The following APPL1 variants were observed in gnomAD, a reference collection of about 807,000 sequenced individuals.
APPL1 encodes adaptor protein, phosphotyrosine interacting with PH domain and leucine zipper 1.
APPL1 carries 42 observed loss-of-function variants against 106.8 expected under a neutral mutation model. The ratio of observed to expected loss-of-function variants is 0.39; its 90% CI spans 0.31 to 0.51. The LOEUF is 0.51. APPL1 is among the 20% of genes least tolerant of loss of function. The pLI, the probability that APPL1 is intolerant of heterozygous loss-of-function variation, is 0.75. For missense variants in APPL1, 769 were observed against 858.2 expected, an observed-to-expected ratio of 0.90 and a Z score of 1.30; for synonymous variants, 263 against 281.8, an observed-to-expected ratio of 0.93 and a Z score of 0.67.
At chr3:57,231,073 C>T (rs2060684294) in intron 1 of APPL1, among the ~76,000 whole-genome samples, 1 of 151,478 alleles carries the variant, frequency 6.6e-6, no homozygotes, top group Non-Finnish European at 1.5e-5. Flanking sequence ...GGCGTGGTGG[C>T]TCATGCCTGT....
chr3:57,240,423 C>T lies in APPL1; in HGVS notation c.286-42C>T, dbSNP rs1288720546. ...AATTTACATAACACTGGTTAAATGT[C>T]TGTGTATAGTTATTTGGCCTTTTTG... On this transcript the variant is annotated intron_variant, in intron 4 of 21. Coordinates refer to ENST00000288266, the MANE Select transcript of APPL1 (RefSeq NM_012096.3). 4 of 1,433,606 alleles carry T rather than the reference C, an allele frequency of 2.8e-6. No individual in the cohort carries two copies. The Admixed American group carries it at 6.7e-5, about 24-fold the overall frequency. 88.8% of individuals were successfully genotyped at this position (1,433,606 alleles called of 1,614,324 possible).
At position 57,235,631 on chromosome 3, in the gene APPL1, G is replaced by A. The variant is rs758848028; in HGVS notation, c.120G>A (p.Leu40=). The change falls in exon 2 of 22, where the codon TTG becomes TTA. Residue 40 remains leucine (L), a synonymous_variant. Coordinates refer to ENST00000288266, the MANE Select transcript of APPL1 (RefSeq NM_012096.3). ...CTATTTCCAACTATATGAACCAGTT[G>A]TATCAAGCTATGCATCGGATTTATG... The part of the protein sequence containing the change: ...ATAISNYMNQ[L]YQAMHRIYDA... The A allele has an allele frequency of 1.9e-6, 3 of 1,613,458 alleles. No homozygotes were observed. The highest frequency in any genetic ancestry group is 2.5e-6 in the Non-Finnish European group (3 of 1,179,606).
intron 2 of APPL1, among the ~76,000 whole-genome samples, chr3:57,236,291 G>T (rs574418712): frequency 4.7e-5 from 7 of 149,890 alleles, no homozygotes; most frequent in African/African-American, 1.7e-4. Context: ...TGATCCGCCC[G>T]CCTTGGCCTC....
intron 13 of APPL1, among the ~76,000 whole-genome samples, chr3:57,254,878 G>C (rs2060826695): frequency 6.6e-6 from 1 of 152,172 alleles, no homozygotes. Flanking sequence ...ACCTGCCTCG[G>C]CCTCCCAAAG....
chr3:57,261,362 A>G (rs1402679841), intron 19 of APPL1, among the ~76,000 whole-genome samples: 2 of 152,154 alleles, frequency 1.3e-5, no homozygotes. Flanking sequence ...TTATCTGTTA[A>G]TGAACATTTA....
At chr3:57,232,861 G>T (rs1241409461) in intron 1 of APPL1, among the ~76,000 whole-genome samples, 1 of 152,050 alleles carries the variant, frequency 6.6e-6, no homozygotes, top group Non-Finnish European at 1.5e-5. Flanking sequence ...AATTAGCTGG[G>T]TGTGGTGGCT....
chr3:57,238,868 G>C (rs536834412), intron 4 of APPL1, among the ~76,000 whole-genome samples: 1 of 152,270 alleles, frequency 6.6e-6, no homozygotes, highest in Admixed American at 6.5e-5. Context: ...CCACTGTATG[G>C]TTTTTAGGAC....
chr3:57,270,910 A>G lies in APPL1; in HGVS notation c.*1223A>G, dbSNP rs1354073972. Reference sequence around the variant, plus strand: ...GATTTAACCTGGTGCCAAGGTTAAAATAACATTTCTCTACTGCCTATTGTT... The same window carrying G: ...GATTTAACCTGGTGCCAAGGTTAAAGTAACATTTCTCTACTGCCTATTGTT... On this transcript the variant is annotated 3_prime_UTR_variant, in exon 22 of 22. Coordinates refer to ENST00000288266, the MANE Select transcript of APPL1 (RefSeq NM_012096.3). 2.0e-5 allele frequency: 3 copies of G among 152,208 alleles called. No individual in the cohort carries two copies. Among genetic ancestry groups the G allele is most frequent in the African/African-American group, 7.2e-5 (3 of 41,468 alleles). The allele number at this position is 152,208 out of a possible 1,614,324, so 9.4% of individuals were successfully genotyped here. A position where few individuals can be genotyped will look rare whatever the true frequency, so the allele number is the denominator to read the frequency against.
At chr3:57,231,752 G>A (rs77967689) in intron 1 of APPL1, among the ~76,000 whole-genome samples, 1,752 of 150,770 alleles carry the variant, frequency 0.012, 32 homozygotes, top group African/African-American at 0.041. Context: ...TGGCTGCAGT[G>A]AGCTATGATC....
At chr3:57,235,252 CT>C (rs1474470352) in intron 1 of APPL1, among the ~76,000 whole-genome samples, 1 of 152,124 alleles carries the variant, frequency 6.6e-6, no homozygotes, top group Non-Finnish European at 1.5e-5. Context: ...ACATGGAATG[CT>C]GTTAATTTAG....
rs187331137 is a variant in APPL1, at chr3:57,255,881, T to C, written c.1153-1076T>C. Among the ~76,000 whole-genome samples the C allele has an allele frequency of 3.3e-5, 5 of 152,316 alleles. No individual in the cohort carries two copies. In the East Asian group the frequency reaches 9.6e-4, roughly 29 times the overall value. The stretch of plus-strand genomic sequence containing the variant: ...GAATAGTTTGTAATACTTACAGTCT[T>C]TTACTACCAATTATCAGAACTCTAA... On this transcript the variant is annotated intron_variant, in intron 13 of 21. Coordinates refer to ENST00000288266, the MANE Select transcript of APPL1 (RefSeq NM_012096.3).
At chr3:57,231,724 A>AT (rs1430318808) in intron 1 of APPL1, among the ~76,000 whole-genome samples, 2 of 150,628 alleles carry the variant, frequency 1.3e-5, no homozygotes, top group Non-Finnish European at 1.5e-5. Context: ...AGGAGGATCG[A>AT]TTGAGTCCAG....
At chr3:57,239,003 A>G (rs890605078) in intron 4 of APPL1, among the ~76,000 whole-genome samples, 4 of 152,350 alleles carry the variant, frequency 2.6e-5, no homozygotes, top group African/African-American at 9.6e-5. Context: ...ATGGACTCAC[A>G]GTTCCATGTG....
chr3:57,230,766 T>C (rs1393694778), intron 1 of APPL1: 2 of 457,742 alleles, frequency 4.4e-6, no homozygotes, highest in South Asian at 1.6e-5. Flanking sequence ...TTAAAGCTCA[T>C]GGTAAGTTTT....
At chr3:57,267,693 G>C in intron 19 of APPL1, 49 bp from the exon 20 acceptor site, 1 of 1,520,294 alleles carries the variant, frequency 6.6e-7, no homozygotes, top group Non-Finnish European at 9.1e-7. Flanking sequence ...TGACATTTTT[G>C]CTTTGTTGTG....
Position 57,260,121 on chromosome 3 carries a change from A to C in APPL1, c.1663A>C (p.Ile555Leu). 6.2e-7 allele frequency: 1 copy of C among 1,606,742 alleles called. No homozygotes were observed. ...ATTTTTAAATTATTATTTTAGGTTAATTGATCCACAGACACAAGTTACAAG... is the reference window on the plus strand; with the variant it reads ...ATTTTTAAATTATTATTTTAGGTTACTTGATCCACAGACACAAGTTACAAG... ...LLVTCDCLKL[I>L]DPQTQVTRLT... The change falls in exon 18 of 22, where the codon ATT becomes CTT. Residue 555 changes from isoleucine to leucine, a missense_variant. Transcript: ENST00000288266.
At chr3:57,234,021 C>G (rs1263629595) in intron 1 of APPL1, among the ~76,000 whole-genome samples, 3 of 152,092 alleles carry the variant, frequency 2.0e-5, no homozygotes, top group African/African-American at 7.2e-5. Flanking sequence ...GAGGTCAAGG[C>G]TGCAGTGAGC....
intron 20 of APPL1, 189 bp downstream of exon 20, chr3:57,267,981 A>G (rs2060905605): frequency 1.6e-6 from 1 of 622,492 alleles, no homozygotes; most frequent in Non-Finnish European, 2.8e-6. Context: ...AATCCCAGCT[A>G]CTGAGGAGGT....
intron 1 of APPL1, among the ~76,000 whole-genome samples, chr3:57,234,926 A>G (rs1329467180): frequency 1.4e-4 from 22 of 152,206 alleles, no homozygotes; most frequent in Admixed American, 1.4e-3. Context: ...AAGTGCTGAG[A>G]TTACAGGCAT....
Sources: allele counts gnomAD v4.1 joint callset (sites outside exome capture counted in the v4.1 genomes callset), GRCh38; gene constraint gnomAD v4.1.1; transcripts MANE v1.5; gene names NCBI Gene and HGNC (gene_info 2026-07-23, HGNC 2026-07-21).